RNPEP: variants seen among roughly 807,000 people sequenced by gnomAD.
RNPEP encodes arginyl aminopeptidase.
Under a neutral mutation model 70.1 loss-of-function variants are expected in RNPEP, and 57 were observed. The observed-to-expected ratio is 0.81, with a 90% CI of 0.66 to 1.01. The LOEUF is 1.01. Ranked by LOEUF, RNPEP falls within the 50% of genes least tolerant of loss-of-function variation. The pLI, the probability that RNPEP is intolerant of heterozygous loss-of-function variation, is 0.00. For synonymous variants in RNPEP, 335 were observed against 357.4 expected, an observed-to-expected ratio of 0.94 and a Z score of 0.71; for missense variants, 787 against 852.4, an observed-to-expected ratio of 0.92 and a Z score of 0.96.
Position 202,003,289 on chromosome 1 carries a change from TG to T in RNPEP, c.1480del (p.Asp494IlefsTer9). 1 of 1,614,136 alleles carries T rather than the reference TG, an allele frequency of 6.2e-7. No individual in the cohort carries two copies. Among genetic ancestry groups the T allele is most frequent in the Non-Finnish European group, 8.5e-7 (1 of 1,180,026 alleles). On this transcript the variant is annotated frameshift_variant, in exon 9 of 11. Transcript: ENST00000295640. LOFTEE classifies it high-confidence loss of function. ...NTPGWPPYLPDLSPGDSLMKP... is the reference protein window; with the variant it reads ...NTPGWPPYLPXLSPGDSLMKP... ...CCCCCGGCTGGCCCCCGTACCTCCCTGATCTCTCCCCTGGGGACTCACTCAT... is the reference window on the plus strand; with the variant it reads ...CCCCCGGCTGGCCCCCGTACCTCCCTATCTCTCCCCTGGGGACTCACTCAT...
intron 2 of RNPEP, 42 bp downstream of exon 2, chr1:201,989,086 G>T (rs1189892587): frequency 6.3e-7 from 1 of 1,584,750 alleles, no homozygotes; most frequent in Non-Finnish European, 8.6e-7. Flanking sequence ...TTGGGATGAA[G>T]AAATGATTTC....
At chr1:201,991,939 G>A (rs1400170921) in intron 3 of RNPEP, among the ~76,000 whole-genome samples, 1 of 152,060 alleles carries the variant, frequency 6.6e-6, no homozygotes, top group Non-Finnish European at 1.5e-5. Flanking sequence ...TTTCTGTCTG[G>A]TTTCCTGTCA....
rs760771086 is a variant in RNPEP, at chr1:201,989,350, AG to A, written c.589-31del. ...AACTAATCAAAAGGAAACTCTCTCC[AG>A]GTAAAATCTCCTAAGCTTTCTCTGT... On this transcript the variant is annotated intron_variant, in intron 2 of 10. Transcript: ENST00000295640. 52 of 1,607,072 alleles carry A rather than the reference AG, an allele frequency of 3.2e-5. No homozygotes were observed. The African/African-American group carries it at 6.8e-4, about 21-fold the overall frequency.
rs1468621283 is a variant in RNPEP, at chr1:201,996,360, A to G, written c.854+97A>G. 3.0e-5 allele frequency: 26 copies of G among 861,296 alleles called. No individual in the cohort carries two copies. In the East Asian group the frequency reaches 6.3e-4, roughly 21 times the overall value. 53.4% of individuals were successfully genotyped at this position (861,296 alleles called of 1,614,324 possible). On this transcript the variant is annotated intron_variant, in intron 4 of 10. Transcript: ENST00000295640. ...GGCTTTTCCACCTCCTGCCTCCCAG[A>G]GCAAAGTTTCCCTGATCCCAGAAGT...
chr1:202,001,985 C>T (rs941012020), intron 8 of RNPEP, among the ~76,000 whole-genome samples: 1 of 152,032 alleles, frequency 6.6e-6, no homozygotes, highest in Non-Finnish European at 1.5e-5. Context: ...TTTCCTTACT[C>T]TCTCCTCTCA....
Position 202,000,785 on chromosome 1 carries a change from T to C in RNPEP, c.1205-591T>C, listed in dbSNP as rs539912101. On this transcript the variant is annotated intron_variant, in intron 6 of 10. Coordinates refer to ENST00000295640, the MANE Select transcript of RNPEP (RefSeq NM_020216.4). ...GATGCACACCTGTAATCCCAGCTAC[T>C]GGGGAGGCTGAGGCAGGAGAATCGC... is the stretch of plus-strand genomic sequence containing the variant. Among the ~76,000 whole-genome samples the C allele has an allele frequency of 1.9e-4, 29 of 151,228 alleles. No individual in the cohort carries two copies. In the East Asian group the frequency reaches 4.3e-3, roughly 22 times the overall value.
intron 3 of RNPEP, among the ~76,000 whole-genome samples, chr1:201,991,798 T>C (rs1683344291): frequency 6.6e-6 from 1 of 152,132 alleles, no homozygotes; most frequent in African/African-American, 2.4e-5. Context: ...GATGACTGTC[T>C]TAAACCTTCT....
chr1:201,988,133 T>G (rs1481607058), intron 1 of RNPEP, among the ~76,000 whole-genome samples: 3 of 133,556 alleles, frequency 2.2e-5, no homozygotes, highest in Non-Finnish European at 4.7e-5. Context: ...AGAGTGAAAC[T>G]CTATCTCGAA....
chr1:202,001,321 G>A lies in RNPEP; in HGVS notation c.1205-55G>A, dbSNP rs78512830. 5.9e-4 allele frequency: 728 copies of A among 1,224,250 alleles called. 6 individuals carry two copies. In the East Asian group the frequency reaches 0.015, roughly 25 times the overall value. The allele number at this position is 1,224,250 out of a possible 1,614,324, so 75.8% of individuals were successfully genotyped here. A position where few individuals can be genotyped will look rare whatever the true frequency, so the allele number is the denominator to read the frequency against. The stretch of plus-strand genomic sequence containing the variant: ...TTTGACTGTGGAGCTAGAGAAGAAC[G>A]TTACGGGTGACAGGCTACAAAAGCT... On this transcript the variant is annotated intron_variant, in intron 6 of 10. Coordinates refer to ENST00000295640, the MANE Select transcript of RNPEP (RefSeq NM_020216.4).
intron 8 of RNPEP, 52 bp downstream of exon 8, chr1:202,001,819 T>G: frequency 4.5e-6 from 5 of 1,107,118 alleles, no homozygotes; most frequent in Non-Finnish European, 5.5e-6. Flanking sequence ...GAGAATGAGA[T>G]CTCATTGACA....
At chr1:201,992,794 C>T (rs1235124490) in intron 3 of RNPEP, among the ~76,000 whole-genome samples, 2 of 152,156 alleles carry the variant, frequency 1.3e-5, no homozygotes, top group Non-Finnish European at 2.9e-5. Context: ...TGAAACTACA[C>T]AGTAATAACC....
intron 6 of RNPEP, 112 bp downstream of exon 6, chr1:202,000,127 G>GCCCCTCCCTCCAA: frequency 3.8e-6 from 3 of 785,322 alleles, no homozygotes; most frequent in Non-Finnish European, 6.2e-6. Context: ...TATTTGGAGG[G>GCCCCTCCCTCCAA]AGGGGCACTC....
chr1:202,005,898 T>C lies in RNPEP; in HGVS notation c.*182T>C, dbSNP rs538318111. ...GCTCTGGTGGGAACTTACTTCTCTA[T>C]AGCCCACTGAGCCCCGAGACAGAGA... On this transcript the variant is annotated 3_prime_UTR_variant, in exon 11 of 11. Coordinates refer to ENST00000295640, the MANE Select transcript of RNPEP (RefSeq NM_020216.4). 5.1e-4 allele frequency: 351 copies of C among 694,410 alleles called. No homozygotes were observed. Among genetic ancestry groups the C allele is most frequent in the Non-Finnish European group, 5.6e-4 (239 of 427,032 alleles). The allele number at this position is 694,410 out of a possible 1,614,324, so 43.0% of individuals were successfully genotyped here.
At chr1:202,004,526 A>G in intron 10 of RNPEP, 30 bp downstream of exon 10, 1 of 1,609,918 alleles carries the variant, frequency 6.2e-7, no homozygotes. Flanking sequence ...CTGTTCCCGA[A>G]AGCACACTGG....
intron 1 of RNPEP, chr1:201,983,623 G>A: frequency 3.2e-6 from 4 of 1,231,376 alleles, no homozygotes; most frequent in South Asian, 1.5e-5. Context: ...CACGGTTAAA[G>A]CTCTTATCTT....
chr1:201,985,467 C>T (rs368528589), intron 1 of RNPEP, among the ~76,000 whole-genome samples: 1 of 152,092 alleles, frequency 6.6e-6, no homozygotes, highest in Admixed American at 6.6e-5. Context: ...ATGTTGCCCA[C>T]GCTGGTCTTG....
intron 1 of RNPEP, among the ~76,000 whole-genome samples, chr1:201,984,413 C>T (rs968646668): frequency 1.3e-5 from 2 of 152,194 alleles, no homozygotes; most frequent in African/African-American, 4.8e-5. Flanking sequence ...TCTGATGAGC[C>T]TTTCCAAAGG....
At chr1:201,996,440 G>C (rs1449814032) in intron 4 of RNPEP, 177 bp downstream of exon 4, 1 of 639,086 alleles carries the variant, frequency 1.6e-6, no homozygotes, top group Non-Finnish European at 2.8e-6. Flanking sequence ...TGTTGCTGAG[G>C]AGAGGGCCTA....
Position 202,005,836 on chromosome 1 carries a change from A to G in RNPEP, c.*120A>G, listed in dbSNP as rs530961198. 2.5e-5 allele frequency: 30 copies of G among 1,191,578 alleles called. No homozygotes were observed. Among genetic ancestry groups the G allele is most frequent in the Middle Eastern group, 2.1e-4 (1 of 4,848 alleles). The allele number at this position is 1,191,578 out of a possible 1,614,324, so 73.8% of individuals were successfully genotyped here. ...AGTTTATATCCCCTCAGGATAATCT[A>G]TTCTCTAGCTTAGGTATCTGTGACT... On this transcript the variant is annotated 3_prime_UTR_variant, in exon 11 of 11. Transcript: ENST00000295640.
Sources: gnomAD v4.1 joint callset for allele counts (sites outside exome capture counted in the v4.1 genomes callset) on GRCh38, gnomAD v4.1.1 for gene constraint, MANE v1.5 for transcripts, NCBI Gene and HGNC (gene_info 2026-07-23, HGNC 2026-07-21) for gene names.